Variants in DMD observed in about 807,000 individuals in gnomAD.
DMD encodes dystrophin, also known as mutant dystrophin.
Under a neutral mutation model 330.1 loss-of-function variants are expected in DMD, and 63 were observed. The ratio of observed to expected loss-of-function variants is 0.19; its 90% CI spans 0.16 to 0.24. The LOEUF is 0.24. DMD is among the 10% of genes least tolerant of loss of function. The pLI is 1.00. For missense variants in DMD, 3,344 were observed against 2,684.1 expected (o/e 1.25, Z -5.43); for synonymous variants, 1,223 against 959.8 (o/e 1.27, Z -5.07).
At chrX:32,636,972 TGGGAGACA>T (rs1452765235) in intron 11 of DMD, among the ~76,000 whole-genome samples, 1 of 108,804 alleles carries the variant, frequency 9.2e-6, no homozygotes, top group Non-Finnish European at 1.9e-5. Flanking sequence ...CACTCCAGCC[TGGGAGACA>T]GGGAGACTCT....
At chrX:32,291,469 C>T (rs1444898424) in intron 42 of DMD, among the ~76,000 whole-genome samples, 1 of 111,846 alleles carries the variant, frequency 8.9e-6, no homozygotes, top group Non-Finnish European at 1.9e-5. Context: ...ACAGTCTTAA[C>T]AAAAGTTCAT....
intron 7 of DMD, among the ~76,000 whole-genome samples, chrX:32,773,651 G>C (rs2073864713): frequency 9.1e-6 from 1 of 109,570 alleles, no homozygotes; most frequent in African/African-American, 3.3e-5. Flanking sequence ...CCACATATGA[G>C]TGAGAACTTG....
At chrX:33,278,243 G>A (rs2053267708) in intron 1 of DMD, among the ~76,000 whole-genome samples, 1 of 111,730 alleles carries the variant, frequency 9.0e-6, no homozygotes, top group African/African-American at 3.3e-5. Flanking sequence ...AGTATATTGT[G>A]TGATATTTAA....
chrX:31,472,930 G>A (rs1316131265), intron 59 of DMD, among the ~76,000 whole-genome samples: 3 of 112,286 alleles, frequency 2.7e-5, no homozygotes, highest in Non-Finnish European at 5.6e-5. Flanking sequence ...CGACAGATTT[G>A]CATATTCCAA....
chrX:31,837,417 C>T (rs757207654), intron 48 of DMD, among the ~76,000 whole-genome samples: 28 of 111,174 alleles, frequency 2.5e-4, no homozygotes, highest in African/African-American at 8.8e-4. Flanking sequence ...AAGGCTGAAG[C>T]ATGACAAAAA....
At chrX:32,729,953 A>T (rs2067353437) in intron 7 of DMD, among the ~76,000 whole-genome samples, 1 of 111,963 alleles carries the variant, frequency 8.9e-6, no homozygotes, top group Admixed American at 9.5e-5. Flanking sequence ...TCCAGGAGGT[A>T]TACTTAAGAG....
At chrX:31,247,948 G>A (rs1194674781) in intron 63 of DMD, among the ~76,000 whole-genome samples, 1 of 111,521 alleles carries the variant, frequency 9.0e-6, no homozygotes. Flanking sequence ...TTTCACAAAA[G>A]GAAGAGTCAA....
At chrX:31,292,770 G>A (rs2053800474) in intron 62 of DMD, among the ~76,000 whole-genome samples, 3 of 112,027 alleles carry the variant, frequency 2.7e-5, no homozygotes, top group Non-Finnish European at 5.6e-5. Context: ...ATATCAAATT[G>A]CAATGAAAAT....
At chrX:31,803,612 C>T (rs775479220) in intron 50 of DMD, among the ~76,000 whole-genome samples, 2 of 59,950 alleles carry the variant, frequency 3.3e-5, no homozygotes, top group Non-Finnish European at 6.9e-5. Flanking sequence ...TTTTCTTTCC[C>T]TCCCTCCCTC....
At chrX:31,124,966 C>T (rs978001920) in intron 78 of DMD, among the ~76,000 whole-genome samples, 1 of 111,655 alleles carries the variant, frequency 9.0e-6, no homozygotes, top group African/African-American at 3.3e-5. Flanking sequence ...GCTTTACGTA[C>T]ATTTGGGATA....
chrX:32,770,284 G>A (rs752200954), intron 7 of DMD, among the ~76,000 whole-genome samples: 1 of 112,105 alleles, frequency 8.9e-6, no homozygotes, highest in Non-Finnish European at 1.9e-5. Context: ...GACAAGCTAA[G>A]AGAGGGAACT....
chrX:32,997,144 C>G, intron 2 of DMD, among the ~76,000 whole-genome samples: 1 of 111,171 alleles, frequency 9.0e-6, no homozygotes, highest in East Asian at 2.8e-4. Flanking sequence ...TCTCACTCCT[C>G]ACTCCCCTGC....
intron 77 of DMD, among the ~76,000 whole-genome samples, chrX:31,128,285 G>A (rs2034006147): frequency 1.8e-5 from 2 of 111,719 alleles, no homozygotes; most frequent in Non-Finnish European, 3.8e-5. Flanking sequence ...ACCTCTCTAT[G>A]CCCAATGCCC....
chrX:32,574,004 T>C (rs2052734085), intron 13 of DMD, among the ~76,000 whole-genome samples, 158 bp from the exon 14 acceptor site: 1 of 112,277 alleles, frequency 8.9e-6, no homozygotes, highest in Non-Finnish European at 1.9e-5. Context: ...AAATAAGTGG[T>C]GTGACTGTCA....
At chrX:33,197,804 T>C (rs978468700) in intron 1 of DMD, among the ~76,000 whole-genome samples, 1 of 111,378 alleles carries the variant, frequency 9.0e-6, no homozygotes, top group Admixed American at 9.7e-5. Flanking sequence ...TATTTAGTGG[T>C]ATGAGTATAT....
chrX:31,497,626 G>A (rs191564321), intron 56 of DMD, among the ~76,000 whole-genome samples: 338 of 112,082 alleles, frequency 3.0e-3, no homozygotes, highest in African/African-American at 5.8e-3. Flanking sequence ...ATTTAGGCAG[G>A]AGACTGAGTG....
intron 2 of DMD, among the ~76,000 whole-genome samples, chrX:32,918,655 T>C (rs1435894718): frequency 1.8e-5 from 2 of 112,441 alleles, no homozygotes; most frequent in African/African-American, 6.5e-5. Context: ...CCGGTCAACA[T>C]GTATTCTTAA....
chrX:31,954,590 C>T (rs200139731), intron 45 of DMD, among the ~76,000 whole-genome samples: 1 of 110,768 alleles, frequency 9.0e-6, no homozygotes, highest in East Asian at 2.8e-4. Flanking sequence ...TTTGCAGCAA[C>T]GTGGATAGAA....
At chrX:33,223,242 C>T (rs773438567) in intron 1 of DMD, among the ~76,000 whole-genome samples, 4 of 111,817 alleles carry the variant, frequency 3.6e-5, no homozygotes, top group Admixed American at 9.5e-5. Flanking sequence ...ACCCAGGAGG[C>T]GGAGATTGCA....
Sources: gnomAD v4.1 joint callset for allele counts (sites outside exome capture counted in the v4.1 genomes callset) on GRCh38, gnomAD v4.1.1 for gene constraint, MANE v1.5 for transcripts, NCBI Gene and HGNC (gene_info 2026-07-23, HGNC 2026-07-21) for gene names.